Variants in NR3C2 observed in about 807,000 individuals in gnomAD.
The protein encoded by NR3C2 is nuclear receptor subfamily 3 group C member 2, also known as mineralocorticoid receptor.
Under a neutral mutation model 86.4 loss-of-function variants are expected in NR3C2, and 15 were observed. That is an observed-to-expected ratio of 0.17 (90% CI 0.12 to 0.27). The LOEUF (loss-of-function observed/expected upper bound fraction) is 0.27. Among genes scored for constraint, NR3C2 ranks in the 10% least tolerant of loss-of-function variants. The pLI is 1.00. For synonymous variants in NR3C2, 458 were observed against 450.5 expected (o/e 1.02, Z -0.21); for missense variants, 960 against 1,195.6 (o/e 0.80, Z 2.91).
chr4:148,359,118 C>G (rs1157122068), intron 2 of NR3C2, among the ~76,000 whole-genome samples: 3 of 152,148 alleles, frequency 2.0e-5, no homozygotes, highest in Non-Finnish European at 4.4e-5. Context: ...TTTGGTCCAA[C>G]TTCCCTATAT....
At chr4:148,263,355 C>A (rs1579080705) in intron 2 of NR3C2, among the ~76,000 whole-genome samples, 1 of 152,196 alleles carries the variant, frequency 6.6e-6, no homozygotes, top group Non-Finnish European at 1.5e-5. Context: ...CTCAACTATC[C>A]AATCTAATCA....
intron 2 of NR3C2, among the ~76,000 whole-genome samples, chr4:148,396,955 AC>A (rs933319926): frequency 1.3e-5 from 2 of 152,056 alleles, no homozygotes; most frequent in Non-Finnish European, 2.9e-5. Context: ...AGATCTAAGA[AC>A]CCTTCTTTTT....
chr4:148,393,532 AGTG>A (rs1202599376), intron 2 of NR3C2, among the ~76,000 whole-genome samples: 1 of 152,172 alleles, frequency 6.6e-6, no homozygotes, highest in Non-Finnish European at 1.5e-5. Context: ...GTGAATGGGC[AGTG>A]GTGGGGACGG....
At chr4:148,376,158 A>AAAC (rs1196723495) in intron 2 of NR3C2, among the ~76,000 whole-genome samples, 1 of 151,622 alleles carries the variant, frequency 6.6e-6, no homozygotes, top group Admixed American at 6.6e-5. Flanking sequence ...AAAAAAAAAA[A>AAAC]AAAACCCACG....
chr4:148,342,668 A>G (rs919255802), intron 2 of NR3C2, among the ~76,000 whole-genome samples: 19 of 152,172 alleles, frequency 1.2e-4, no homozygotes, highest in Non-Finnish European at 2.8e-4. Context: ...AGCAGTGACT[A>G]AAACTTCTAA....
At chr4:148,171,241 G>A (rs72653840) in intron 4 of NR3C2, among the ~76,000 whole-genome samples, 1 of 152,140 alleles carries the variant, frequency 6.6e-6, no homozygotes, top group South Asian at 2.1e-4. Context: ...TCTCATCTTT[G>A]AAAGTTGCAC....
At chr4:148,098,982 T>C (rs1043706877) in intron 8 of NR3C2, among the ~76,000 whole-genome samples, 3 of 152,094 alleles carry the variant, frequency 2.0e-5, no homozygotes, top group African/African-American at 7.2e-5. Flanking sequence ...TATCAGTGAG[T>C]CCCTTGTCTG....
At chr4:148,252,959 TAG>T (rs1474076321) in intron 3 of NR3C2, among the ~76,000 whole-genome samples, 1 of 152,218 alleles carries the variant, frequency 6.6e-6, no homozygotes, top group African/African-American at 2.4e-5. Flanking sequence ...GCTCCTGACT[TAG>T]AGTTTTCAAA....
rs1269794527 is a variant in NR3C2 at position 148,078,832 on chromosome 4, T to TAAAG, written c.*2508_*2511dup. The stretch of plus-strand genomic sequence containing the variant: ...GCAAAGACAGACATATGTTTTTGCA[T>TAAAG]AAAGATATAAATTGCTTCATTTTAA... On this transcript the variant is annotated 3_prime_UTR_variant, in exon 9 of 9. Coordinates refer to ENST00000358102, the MANE Select transcript of NR3C2 (RefSeq NM_000901.5). 1.3e-5 allele frequency: 2 copies of TAAAG among 152,662 alleles called. No individual in the cohort carries two copies. Among genetic ancestry groups the TAAAG allele is most frequent in the African/African-American group, 4.8e-5 (2 of 41,466 alleles). 9.5% of individuals were successfully genotyped at this position (152,662 alleles called of 1,614,324 possible). A position where few individuals can be genotyped will look rare whatever the true frequency, so the allele number is the denominator to read the frequency against.
chr4:148,384,593 GTATTTGC>G (rs1343845942), intron 2 of NR3C2, among the ~76,000 whole-genome samples: 1 of 152,094 alleles, frequency 6.6e-6, no homozygotes, highest in Non-Finnish European at 1.5e-5. Flanking sequence ...ACAAGAAACT[GTATTTGC>G]TAACTTTAAT....
chr4:148,265,264 A>G (rs1176620888), intron 2 of NR3C2, among the ~76,000 whole-genome samples: 1 of 152,202 alleles, frequency 6.6e-6, no homozygotes, highest in East Asian at 1.9e-4. Context: ...AGATTAACCA[A>G]AGGTTTATAC....
At chr4:148,248,593 T>C (rs187035403) in intron 3 of NR3C2, among the ~76,000 whole-genome samples, 285 of 152,332 alleles carry the variant, frequency 1.9e-3, no homozygotes, top group Middle Eastern at 6.8e-3. Context: ...GCAAACTAAA[T>C]TTAAATCCTG....
chr4:148,256,345 CAAT>C, intron 3 of NR3C2, among the ~76,000 whole-genome samples: 1 of 152,134 alleles, frequency 6.6e-6, no homozygotes, highest in Non-Finnish European at 1.5e-5. Context: ...CCTAACAACT[CAAT>C]GTGGTTGTAT....
chr4:148,406,369 C>T (rs9307847), intron 2 of NR3C2, among the ~76,000 whole-genome samples: 113,410 of 151,992 alleles, frequency 0.75, 42,424 homozygotes, highest in Middle Eastern at 0.84. Context: ...GGTCAGAGTT[C>T]GGAATGCCTT....
At chr4:148,282,586 G>A (rs1279274336) in intron 2 of NR3C2, among the ~76,000 whole-genome samples, 2 of 152,174 alleles carry the variant, frequency 1.3e-5, no homozygotes, top group Non-Finnish European at 2.9e-5. Context: ...AGAGAGGATA[G>A]TGACAAAGTC....
chr4:148,321,004 T>G (rs2149952871), intron 2 of NR3C2, among the ~76,000 whole-genome samples: 1 of 150,720 alleles, frequency 6.6e-6, no homozygotes, highest in East Asian at 2.0e-4. Context: ...TGCTTTCTCT[T>G]GTGGGCATTT....
intron 4 of NR3C2, among the ~76,000 whole-genome samples, chr4:148,178,958 C>T (rs977969534): frequency 2.4e-4 from 32 of 131,166 alleles, no homozygotes; most frequent in East Asian, 2.3e-3. Context: ...CAAAAAAAAA[C>T]AACAAAACAA....
At chr4:148,188,927 GT>G (rs770094656) in intron 4 of NR3C2, among the ~76,000 whole-genome samples, 299 of 127,298 alleles carry the variant, frequency 2.3e-3, no homozygotes, top group African/African-American at 6.0e-3. Flanking sequence ...ATTTTGCTGA[GT>G]TTTTTTTTTT....
rs532865929 is a variant in NR3C2, at chr4:148,363,750, G to A, written c.1757+71354C>T. On this transcript the variant is annotated intron_variant, in intron 2 of 8. Coordinates refer to ENST00000358102, the MANE Select transcript of NR3C2 (RefSeq NM_000901.5). Reference sequence around the variant, plus strand: ...GATCTCCTGACCTTGTGATCCACCCGCCTTGGCCTCCCAAAGTGCTGGGAT... The same window carrying A: ...GATCTCCTGACCTTGTGATCCACCCACCTTGGCCTCCCAAAGTGCTGGGAT... Among the ~76,000 whole-genome samples, 15 of 152,064 alleles carry A rather than the reference G, an allele frequency of 9.9e-5. No homozygotes were observed. In the South Asian group the frequency reaches 1.9e-3, roughly 19 times the overall value.
Sources: gnomAD v4.1 joint callset for allele counts (sites outside exome capture counted in the v4.1 genomes callset) on GRCh38, gnomAD v4.1.1 for gene constraint, MANE v1.5 for transcripts, NCBI Gene and HGNC (gene_info 2026-07-23, HGNC 2026-07-21) for gene names.